MOCOS: variants seen among roughly 807,000 people sequenced by gnomAD.
The protein encoded by MOCOS is molybdenum cofactor sulfurase.
MOCOS carries 86 observed loss-of-function variants against 83.6 expected under a neutral mutation model. The ratio of observed to expected loss-of-function variants is 1.03; its 90% CI spans 0.86 to 1.23. The LOEUF (loss-of-function observed/expected upper bound fraction) is 1.23. Ranked by LOEUF, MOCOS falls within the 50% of genes most tolerant of loss-of-function variation. MOCOS has a pLI of 0.00. For missense variants in MOCOS, 1,120 were observed against 1,126.9 expected (o/e 0.99, Z 0.09); for synonymous variants, 445 against 434.7 (o/e 1.02, Z -0.29).
intron 11 of MOCOS, among the ~76,000 whole-genome samples, chr18:36,254,606 T>C (rs1043674838): frequency 1.3e-5 from 2 of 150,902 alleles, no homozygotes; most frequent in Admixed American, 6.6e-5. Flanking sequence ...TATATATATA[T>C]ACACACACAC....
At chr18:36,187,764 C>G in intron 1 of MOCOS, 83 bp downstream of exon 1, 1 of 1,228,190 alleles carries the variant, frequency 8.1e-7, no homozygotes, top group Non-Finnish European at 1.0e-6. Flanking sequence ...GAGAGCGGCG[C>G]TACCTCATTC....
At chr18:36,233,406 C>T (rs915624940) in intron 9 of MOCOS, among the ~76,000 whole-genome samples, 3 of 151,914 alleles carry the variant, frequency 2.0e-5, no homozygotes, top group African/African-American at 7.3e-5. Flanking sequence ...GTTTGTATAC[C>T]CACATCATAT....
At chr18:36,199,241 T>G (rs16967532) in intron 3 of MOCOS, among the ~76,000 whole-genome samples, 12,745 of 152,254 alleles carry the variant, frequency 0.084, 693 homozygotes, top group African/African-American at 0.14. Flanking sequence ...ATTTCCAGGT[T>G]GTCCTTAAAA....
rs774141905 is a variant in MOCOS at position 36,215,820 on chromosome 18, C to T, written c.1640C>T (p.Thr547Ile). 7 of 1,614,228 alleles carry T rather than the reference C, an allele frequency of 4.3e-6. No individual in the cohort carries two copies. The highest frequency in any genetic ancestry group is 5.1e-6 in the Non-Finnish European group (6 of 1,180,046). Reference protein sequence around the residue: ...TGSRVWNNSSTVNAVPVAPPV... With the variant: ...TGSRVWNNSSIVNAVPVAPPV... Reference sequence around the variant, plus strand: ...TCCAGGGTTTGGAACAACTCGTCTACTGTGAATGCTGTGCCTGTGGCCCCA... The same window carrying T: ...TCCAGGGTTTGGAACAACTCGTCTATTGTGAATGCTGTGCCTGTGGCCCCA... The change falls in exon 8 of 15, where the codon ACT becomes ATT. Residue 547 changes from threonine (T) to isoleucine (I), a missense_variant. Coordinates refer to ENST00000261326, the MANE Select transcript of MOCOS (RefSeq NM_017947.4).
At chr18:36,227,752 A>G (rs1439673014) in intron 9 of MOCOS, among the ~76,000 whole-genome samples, 2 of 152,200 alleles carry the variant, frequency 1.3e-5, no homozygotes, top group Admixed American at 6.5e-5. Context: ...CAATCTAGGC[A>G]ATACCATTCA....
At chr18:36,204,001 G>A (rs1404471004) in intron 5 of MOCOS, among the ~76,000 whole-genome samples, 3 of 152,182 alleles carry the variant, frequency 2.0e-5, no homozygotes, top group African/African-American at 7.2e-5. Context: ...GACTGTACCA[G>A]TCCACAATAT....
chr18:36,205,079 G>A lies in MOCOS; in HGVS notation c.1021G>A (p.Gly341Arg). The change falls in exon 6 of 15, where the codon GGA (glycine) becomes AGA (arginine). Residue 341 changes from glycine to arginine, a missense_variant and splice_region_variant. Gly to Arg is a moderately radical substitution (Grantham distance 125). Coordinates refer to ENST00000261326, the MANE Select transcript of MOCOS (RefSeq NM_017947.4). ...GFDTLERLTG[G>R]MENIKQHTFT... Reference sequence around the variant, plus strand: ...TTGTGTTTCATGATTGATTTGAGGTGGAATGGAGAATATAAAGCAGCACAC... The same window carrying A: ...TTGTGTTTCATGATTGATTTGAGGTAGAATGGAGAATATAAAGCAGCACAC... 1.2e-6 allele frequency: 2 copies of A among 1,607,122 alleles called. No individual in the cohort carries two copies. Among genetic ancestry groups the A allele is most frequent in the Non-Finnish European group, 1.7e-6 (2 of 1,175,354 alleles).
chr18:36,213,156 T>C (rs1371766752), intron 6 of MOCOS, among the ~76,000 whole-genome samples: 1 of 152,232 alleles, frequency 6.6e-6, no homozygotes. Context: ...GGTCCAACCC[T>C]GTGCAGCTGA....
chr18:36,252,183 C>G (rs1407516367), intron 11 of MOCOS, among the ~76,000 whole-genome samples: 1 of 152,062 alleles, frequency 6.6e-6, no homozygotes, highest in Non-Finnish European at 1.5e-5. Context: ...CAGATATTAC[C>G]TGGCCTAGTG....
intron 6 of MOCOS, among the ~76,000 whole-genome samples, chr18:36,210,865 A>G (rs1424767705): frequency 6.9e-6 from 1 of 145,674 alleles, no homozygotes; most frequent in Non-Finnish European, 1.5e-5. Flanking sequence ...AAAAAAAAAA[A>G]AAAAAAAAAA....
At chr18:36,241,771 T>C (rs2091583999) in intron 9 of MOCOS, among the ~76,000 whole-genome samples, 1 of 152,242 alleles carries the variant, frequency 6.6e-6, no homozygotes, top group South Asian at 2.1e-4. Context: ...AGGTGGAGGT[T>C]ACCAAATCTC....
At chr18:36,241,244 T>G (rs1416422786) in intron 9 of MOCOS, among the ~76,000 whole-genome samples, 2 of 152,188 alleles carry the variant, frequency 1.3e-5, no homozygotes, top group African/African-American at 2.4e-5. Flanking sequence ...GGCAAGTCCC[T>G]TCCACCTAGG....
At chr18:36,220,674 T>A (rs1392113630) in intron 9 of MOCOS, among the ~76,000 whole-genome samples, 1 of 152,108 alleles carries the variant, frequency 6.6e-6, no homozygotes, top group African/African-American at 2.4e-5. Context: ...ACGCTTGTAA[T>A]CCCAGCACTG....
At chr18:36,249,951 T>C (rs1598591432) in intron 10 of MOCOS, among the ~76,000 whole-genome samples, 6 of 152,276 alleles carry the variant, frequency 3.9e-5, no homozygotes, top group African/African-American at 1.4e-4. Flanking sequence ...AAATGTAAAG[T>C]GGGGTTGAAT....
chr18:36,246,272 T>C (rs1439797136), intron 9 of MOCOS, among the ~76,000 whole-genome samples: 1 of 152,220 alleles, frequency 6.6e-6, no homozygotes, highest in Non-Finnish European at 1.5e-5. Context: ...TGGGAAGATA[T>C]GGGACTCAAG....
At chr18:36,240,703 C>G (rs1327259614) in intron 9 of MOCOS, among the ~76,000 whole-genome samples, 1 of 152,014 alleles carries the variant, frequency 6.6e-6, no homozygotes, top group Non-Finnish European at 1.5e-5. Context: ...CCTAAGCAAG[C>G]TGGGCAATGG....
chr18:36,259,114 C>A (rs966168258), intron 12 of MOCOS, among the ~76,000 whole-genome samples: 3 of 151,686 alleles, frequency 2.0e-5, no homozygotes, highest in Non-Finnish European at 4.4e-5. Flanking sequence ...TTTTTTGGAA[C>A]CTCATGGCAA....
Position 36,198,707 on chromosome 18 carries a change from A to C in MOCOS, c.250A>C (p.Asn84His). Reference protein sequence around the residue: ...ENTYGNPHSQNISSKLTHDTV... With the variant: ...ENTYGNPHSQHISSKLTHDTV... ...CCTGCCAGGTAATCCTCACAGCCAG[A>C]ACATCAGCAGCAAGCTCACCCATGA... The change falls in exon 3 of 15, where the codon AAC becomes CAC. Residue 84 changes from asparagine (N) to histidine (H), a missense_variant. Coordinates refer to ENST00000261326, the MANE Select transcript of MOCOS (RefSeq NM_017947.4). 1.2e-6 allele frequency: 2 copies of C among 1,614,184 alleles called. No individual in the cohort carries two copies. The highest frequency in any genetic ancestry group is 2.2e-5 in the South Asian group (2 of 91,086).
intron 6 of MOCOS, among the ~76,000 whole-genome samples, chr18:36,209,999 C>A (rs115327791): frequency 2.2e-4 from 34 of 152,090 alleles, no homozygotes; most frequent in Non-Finnish European, 1.3e-4. Context: ...CCACTGTACC[C>A]GGCTGGATTA....
Sources: gnomAD v4.1 joint callset for allele counts (sites outside exome capture counted in the v4.1 genomes callset) on GRCh38, gnomAD v4.1.1 for gene constraint, MANE v1.5 for transcripts, NCBI Gene and HGNC (gene_info 2026-07-23, HGNC 2026-07-21) for gene names.